The following JMJD1C variants were observed in gnomAD, a reference collection of about 807,000 sequenced individuals.
JMJD1C encodes the protein jumonji domain containing 1C, also known as jumonji domain-containing protein 1C.
A neutral mutation model predicts 245.3 loss-of-function variants in JMJD1C; 31 were observed. The ratio of observed to expected loss-of-function variants is 0.13; its 90% CI spans 0.09 to 0.17. The LOEUF is 0.17. JMJD1C is among the 10% of genes least tolerant of loss of function. JMJD1C has a pLI of 1.00. For missense variants in JMJD1C, 2,691 were observed against 3,000.2 expected (o/e 0.90, Z 2.41); for synonymous variants, 1,057 against 1,017.4 (o/e 1.04, Z -0.74).
In JMJD1C at chr10:63,207,978, T is replaced by G; in HGVS notation, c.3691A>C (p.Thr1231Pro). 1 of 1,614,118 alleles carries G rather than the reference T, an allele frequency of 6.2e-7. No homozygotes were observed. Among genetic ancestry groups the G allele is most frequent in the Non-Finnish European group, 8.5e-7 (1 of 1,180,012 alleles). ...TTTACTGGCATCACCGGAGTTAAAG[T>G]TGGAGGGGAAAGACTACTATAGCTG... ...EGSYSSLSPP[T>P]LTPVMPVNAG... Residue 1231 changes from threonine (T) to proline (P), a missense_variant, in exon 10 of 26, where the codon ACT becomes CCT. Transcript: ENST00000399262.
intron 1 of JMJD1C, among the ~76,000 whole-genome samples, chr10:63,392,867 AACACACACACACACACACACACACAC>A (rs34778084): frequency 8.9e-6 from 1 of 112,262 alleles, no homozygotes; most frequent in East Asian, 2.5e-4. Context: ...AAAGTACATA[AACACACACACACACACACACACACAC>A]ACACACACAC....
At chr10:63,265,260 C>G (rs766277695) in intron 2 of JMJD1C, among the ~76,000 whole-genome samples, 1 of 151,524 alleles carries the variant, frequency 6.6e-6, no homozygotes, top group African/African-American at 2.4e-5. Flanking sequence ...ACCCCTTGCA[C>G]TCCCACCCCC....
chr10:63,439,715 C>A (rs957217256), intron 1 of JMJD1C, among the ~76,000 whole-genome samples: 1 of 151,862 alleles, frequency 6.6e-6, no homozygotes, highest in Admixed American at 6.6e-5. Flanking sequence ...AAAAACAGAC[C>A]GTATAATTCT....
intron 1 of JMJD1C, among the ~76,000 whole-genome samples, chr10:63,388,290 C>G (rs953024634): frequency 6.6e-6 from 1 of 151,628 alleles, no homozygotes; most frequent in Non-Finnish European, 1.5e-5. Flanking sequence ...GGCAGTTTCT[C>G]TGCACAATCC....
At chr10:63,339,400 G>A (rs10995509) in intron 2 of JMJD1C, among the ~76,000 whole-genome samples, 2,597 of 152,224 alleles carry the variant, frequency 0.017, 84 homozygotes, top group African/African-American at 0.059. Flanking sequence ...GCATATACAC[G>A]GTATGAGAAA....
At chr10:63,482,551 G>A (rs1420432080) in intron 1 of JMJD1C, among the ~76,000 whole-genome samples, 3 of 152,006 alleles carry the variant, frequency 2.0e-5, no homozygotes, top group Non-Finnish European at 4.4e-5. Context: ...CAGGAGAATC[G>A]CTTGAACTCA....
chr10:63,236,851 T>C (rs557012177), intron 3 of JMJD1C, among the ~76,000 whole-genome samples: 9 of 152,202 alleles, frequency 5.9e-5, no homozygotes, highest in African/African-American at 1.9e-4. Context: ...TGGTGGCTCA[T>C]GCCTGTAATA....
intron 2 of JMJD1C, among the ~76,000 whole-genome samples, chr10:63,285,115 C>T (rs1024699442): frequency 1.3e-5 from 2 of 152,180 alleles, no homozygotes; most frequent in African/African-American, 2.4e-5. Context: ...TGTGACCAAA[C>T]TGGGCCTACA....
In JMJD1C at chr10:63,264,308, A is replaced by T. The variant is rs79888445; in HGVS notation, c.447+343T>A. ...TAATCTCATTTAATTATATTAATTTACCCAATTCTTAACGTTTAGCATTGA... is the reference window on the plus strand; with the variant it reads ...TAATCTCATTTAATTATATTAATTTTCCCAATTCTTAACGTTTAGCATTGA... On this transcript the variant is annotated intron_variant, in intron 3 of 25. Coordinates refer to ENST00000399262, the MANE Select transcript of JMJD1C (RefSeq NM_032776.3). 4.7e-3 allele frequency among the ~76,000 whole-genome samples: 721 copies of T among 152,250 alleles called. 6 individuals are homozygous for T. The highest frequency in any genetic ancestry group is 0.017 in the African/African-American group (709 of 41,560).
chr10:63,425,301 G>A (rs1018744702), intron 1 of JMJD1C, among the ~76,000 whole-genome samples: 1 of 152,044 alleles, frequency 6.6e-6, no homozygotes, highest in Non-Finnish European at 1.5e-5. Flanking sequence ...GGCATGCAGG[G>A]GAGGCCAGAA....
intron 24 of JMJD1C, among the ~76,000 whole-genome samples, chr10:63,173,756 T>C (rs1842615942): frequency 6.6e-6 from 1 of 151,820 alleles, no homozygotes. Context: ...AAATGCTCTT[T>C]GAAAAGAGAA....
At chr10:63,466,007 C>T (rs1003480420), upstream of JMJD1C, 10 of 258,698 alleles carry the variant, frequency 3.9e-5, no homozygotes, top group Non-Finnish European at 5.9e-5. Flanking sequence ...GCAGCGGCGG[C>T]GCGCAGCGCG....
chr10:63,478,806 C>A (rs1187411745), intron 1 of JMJD1C, among the ~76,000 whole-genome samples: 1 of 152,108 alleles, frequency 6.6e-6, no homozygotes, highest in African/African-American at 2.4e-5. Flanking sequence ...CTCCAGACCC[C>A]CCAGAGGTCA....
chr10:63,335,700 G>A (rs528613440), intron 2 of JMJD1C, among the ~76,000 whole-genome samples: 22 of 152,104 alleles, frequency 1.4e-4, no homozygotes, highest in South Asian at 6.2e-4. Flanking sequence ...TAGTACAGAC[G>A]GGGTTTCACC....
intron 3 of JMJD1C, among the ~76,000 whole-genome samples, chr10:63,247,100 G>C (rs143079531): frequency 0.016 from 1,202 of 77,002 alleles, 8 homozygotes; most frequent in Non-Finnish European, 0.03. Flanking sequence ...AATAAACTGA[G>C]ACAAAAAAAA....
intron 13 of JMJD1C, among the ~76,000 whole-genome samples, chr10:63,195,411 T>C (rs1845348526): frequency 6.6e-6 from 1 of 151,272 alleles, no homozygotes; most frequent in Non-Finnish European, 1.5e-5. Flanking sequence ...TTAAATAAAA[T>C]TCAAACCCAG....
chr10:63,240,650 C>T (rs1458131591), intron 3 of JMJD1C, among the ~76,000 whole-genome samples: 1 of 152,038 alleles, frequency 6.6e-6, no homozygotes, highest in Non-Finnish European at 1.5e-5. Flanking sequence ...CATAACCAGA[C>T]TGGGTGTGAT....
intron 1 of JMJD1C, among the ~76,000 whole-genome samples, chr10:63,488,508 A>C (rs1322818310): frequency 1.3e-5 from 2 of 148,164 alleles, no homozygotes; most frequent in Non-Finnish European, 3.0e-5. Context: ...CATTAAGCCC[A>C]GGTTCTTTTC....
chr10:63,235,341 C>CA (rs1169975089), intron 3 of JMJD1C, among the ~76,000 whole-genome samples: 2 of 151,910 alleles, frequency 1.3e-5, no homozygotes, highest in Non-Finnish European at 2.9e-5. Flanking sequence ...CCTAAAAATA[C>CA]AAAAAATTAG....
Sources: gnomAD v4.1 joint callset for allele counts (sites outside exome capture counted in the v4.1 genomes callset) on GRCh38, gnomAD v4.1.1 for gene constraint, MANE v1.5 for transcripts, NCBI Gene and HGNC (gene_info 2026-07-23, HGNC 2026-07-21) for gene names.